The following BBX variants were observed in gnomAD, a reference collection of about 807,000 sequenced individuals.
BBX encodes the protein BBX high mobility group box domain containing.
In BBX, 30 loss-of-function variants were observed where a neutral mutation model predicts 100.2. The ratio of observed to expected loss-of-function variants is 0.30; its 90% CI spans 0.22 to 0.41. BBX has a LOEUF of 0.41. Among genes scored for constraint, BBX ranks in the 10% least tolerant of loss-of-function variants. The pLI, the probability that BBX is intolerant of heterozygous loss-of-function variation, is 1.00. For missense variants in BBX, 1,023 were observed against 1,129.8 expected, an observed-to-expected ratio of 0.91 and a Z score of 1.35; for synonymous variants, 376 against 388.1, an observed-to-expected ratio of 0.97 and a Z score of 0.37.
Position 107,806,851 on chromosome 3 carries a change from G to T in BBX, c.*1394G>T, listed in dbSNP as rs534781951. ...GCACAAAGTATTTCCCCACTCTTGC[G>T]TCACAGCACAAACTACCAAATTTTA... On this transcript the variant is annotated 3_prime_UTR_variant, in exon 18 of 18. Transcript: ENST00000325805. The T allele has an allele frequency of 6.6e-6, 1 of 152,156 alleles. No homozygotes were observed. The highest frequency in any genetic ancestry group is 2.4e-5 in the African/African-American group (1 of 41,426). The allele number at this position is 152,156 out of a possible 1,614,324, so 9.4% of individuals were successfully genotyped here. A position where few individuals can be genotyped will look rare whatever the true frequency, so the allele number is the denominator to read the frequency against.
At chr3:107,616,563 G>T (rs537215620) in intron 2 of BBX, among the ~76,000 whole-genome samples, 40 of 152,030 alleles carry the variant, frequency 2.6e-4, no homozygotes, top group Non-Finnish European at 4.4e-4. Context: ...ATCGTTTTTT[G>T]TGTGTGTGTG....
At chr3:107,704,289 A>C (rs2061259291) in intron 3 of BBX, among the ~76,000 whole-genome samples, 1 of 152,250 alleles carries the variant, frequency 6.6e-6, no homozygotes, top group Non-Finnish European at 1.5e-5. Flanking sequence ...GTGTTAGATG[A>C]GGAAATTATA....
At chr3:107,737,902 T>TTG (rs934999804) in intron 7 of BBX, among the ~76,000 whole-genome samples, 11 of 143,036 alleles carry the variant, frequency 7.7e-5, no homozygotes, top group Non-Finnish European at 1.5e-4. Context: ...TTTTTTTTTT[T>TTG]TTTTTTTTTT....
At chr3:107,657,315 C>T (rs552771097) in intron 3 of BBX, 3 of 152,170 alleles carry the variant, frequency 2.0e-5, no homozygotes, top group Admixed American at 6.5e-5. Context: ...TTCCCATTTA[C>T]GGGGCAAAAG....
intron 2 of BBX, among the ~76,000 whole-genome samples, chr3:107,583,880 T>C (rs1377234207): frequency 1.5e-5 from 2 of 129,090 alleles, no homozygotes; most frequent in Non-Finnish European, 3.2e-5. Flanking sequence ...AATTATACTT[T>C]ATATATATTA....
chr3:107,541,250 C>T (rs527554451), intron 2 of BBX, among the ~76,000 whole-genome samples: 10 of 152,254 alleles, frequency 6.6e-5, no homozygotes, highest in African/African-American at 2.2e-4. Flanking sequence ...GGCTCCCCTG[C>T]GACCAGCACT....
chr3:107,793,142 T>C (rs1450243690), intron 15 of BBX, among the ~76,000 whole-genome samples: 1 of 152,206 alleles, frequency 6.6e-6, no homozygotes, highest in African/African-American at 2.4e-5. Flanking sequence ...GTTTCCCCTC[T>C]AACACTTGAT....
intron 2 of BBX, among the ~76,000 whole-genome samples, chr3:107,582,302 T>A (rs1021791266): frequency 5.9e-5 from 9 of 151,882 alleles, no homozygotes; most frequent in African/African-American, 1.4e-4. Flanking sequence ...TTTTTTTTTT[T>A]AAACACATTT....
intron 2 of BBX, among the ~76,000 whole-genome samples, chr3:107,619,351 GCATAACCC>G (rs562107262): frequency 5.5e-4 from 84 of 152,072 alleles, no homozygotes; most frequent in African/African-American, 2.0e-3. Context: ...TTTAATTGGT[GCATAACCC>G]CATAACCCCT....
intron 15 of BBX, among the ~76,000 whole-genome samples, chr3:107,793,012 T>G (rs1409896532): frequency 6.6e-6 from 1 of 152,194 alleles, no homozygotes; most frequent in Non-Finnish European, 1.5e-5. Flanking sequence ...TTTTTCAGTA[T>G]GACAAATTGT....
intron 2 of BBX, among the ~76,000 whole-genome samples, chr3:107,577,544 G>T (rs557940045): frequency 6.6e-6 from 1 of 152,240 alleles, no homozygotes; most frequent in South Asian, 2.1e-4. Context: ...TCTATAAAAT[G>T]GGAAAGTAAT....
chr3:107,621,656 C>G (rs1390992311), intron 2 of BBX, among the ~76,000 whole-genome samples: 1 of 152,144 alleles, frequency 6.6e-6, no homozygotes, highest in Non-Finnish European at 1.5e-5. Flanking sequence ...TGGTGACAGG[C>G]AGTGACATAG....
intron 3 of BBX, among the ~76,000 whole-genome samples, chr3:107,679,044 C>T (rs1021240958): frequency 4.0e-5 from 6 of 151,450 alleles, no homozygotes; most frequent in African/African-American, 1.5e-4. Context: ...TCACAGTTAA[C>T]ATTTGTGTCA....
chr3:107,810,716 A>G lies in BBX; in HGVS notation c.*5259A>G, dbSNP rs959965768. On this transcript the variant is annotated 3_prime_UTR_variant, in exon 18 of 18. Transcript: ENST00000325805. ...GGCTCAGCAACGTTTTCTCCATTTC[A>G]TTAGCACTAAACAAGTCTCTTGCTC... The G allele has an allele frequency of 6.6e-6, 1 of 152,222 alleles. No individual in the cohort carries two copies. Among genetic ancestry groups the G allele is most frequent in the African/African-American group, 2.4e-5 (1 of 41,462 alleles). 9.4% of individuals were successfully genotyped at this position (152,222 alleles called of 1,614,324 possible).
intron 3 of BBX, among the ~76,000 whole-genome samples, chr3:107,702,632 T>C (rs1284090966): frequency 1.3e-5 from 2 of 152,172 alleles, no homozygotes; most frequent in Non-Finnish European, 2.9e-5. Flanking sequence ...CCCTCAAGGG[T>C]CTCTGTGGGA....
chr3:107,577,553 A>G (rs1182988844), intron 2 of BBX, among the ~76,000 whole-genome samples: 8 of 152,184 alleles, frequency 5.3e-5, no homozygotes, highest in African/African-American at 1.7e-4. Flanking sequence ...TGGGAAAGTA[A>G]TAGTACCTGC....
intron 5 of BBX, among the ~76,000 whole-genome samples, chr3:107,724,369 C>G (rs1387201133): frequency 1.4e-4 from 22 of 152,062 alleles, no homozygotes; most frequent in Non-Finnish European, 2.9e-5. Context: ...CCTGTTCACT[C>G]TGATGGTAGT....
intron 2 of BBX, among the ~76,000 whole-genome samples, chr3:107,592,920 T>G (rs904712750): frequency 3.9e-5 from 6 of 152,236 alleles, no homozygotes; most frequent in Non-Finnish European, 8.8e-5. Flanking sequence ...TTCAAAGATC[T>G]ACTTGATCTT....
intron 13 of BBX, among the ~76,000 whole-genome samples, chr3:107,781,381 G>A (rs567400094): frequency 1.6e-4 from 25 of 152,048 alleles, no homozygotes; most frequent in Admixed American, 3.9e-4. Context: ...ATAGAACAGA[G>A]CATGATGACA....
Sources: gnomAD v4.1 joint callset for allele counts (sites outside exome capture counted in the v4.1 genomes callset) on GRCh38, gnomAD v4.1.1 for gene constraint, MANE v1.5 for transcripts, NCBI Gene and HGNC (gene_info 2026-07-23, HGNC 2026-07-21) for gene names.